WDR7: variants seen among roughly 807,000 people sequenced by gnomAD.
The protein encoded by WDR7 is WD repeat domain 7, also known as WD repeat-containing protein 7.
WDR7 carries 46 observed loss-of-function variants against 169.4 expected under a neutral mutation model. The ratio of observed to expected loss-of-function variants is 0.27; its 90% CI spans 0.21 to 0.35. The LOEUF is 0.35. Among genes scored for constraint, WDR7 ranks in the 10% least tolerant of loss-of-function variants. The pLI, the probability that WDR7 is intolerant of heterozygous loss-of-function variation, is 1.00. For missense variants in WDR7, 1,534 were observed against 1,859.3 expected, an observed-to-expected ratio of 0.83 and a Z score of 3.22; for synonymous variants, 612 against 666.8, an observed-to-expected ratio of 0.92 and a Z score of 1.27.
In WDR7 at chr18:56,956,416, AC is replaced by A. The variant is rs571655334; in HGVS notation, c.4065-6013del. 2.0e-4 allele frequency among the ~76,000 whole-genome samples: 30 copies of A among 152,110 alleles called. No homozygotes were observed. The South Asian group carries it at 5.2e-3, about 26-fold the overall frequency. ...TAGACAGTGCCTCTTCCTGAACAAA[AC>A]TGTCCCCCTTGATTGTGGCTATGGC... On this transcript the variant is annotated intron_variant, in intron 25 of 27. Coordinates refer to ENST00000254442, the MANE Select transcript of WDR7 (RefSeq NM_015285.3).
intron 21 of WDR7, among the ~76,000 whole-genome samples, chr18:56,913,066 G>C (rs2046574620): frequency 6.6e-6 from 1 of 151,754 alleles, no homozygotes; most frequent in Admixed American, 6.6e-5. Context: ...TAGAGACAGG[G>C]TCTCACTTTG....
chr18:56,772,132 A>C (rs991634878), intron 16 of WDR7, among the ~76,000 whole-genome samples: 1 of 151,846 alleles, frequency 6.6e-6, no homozygotes, highest in Non-Finnish European at 1.5e-5. Flanking sequence ...TTCTGAATGC[A>C]AACCATCAGT....
chr18:57,010,360 A>T, intron 26 of WDR7: 1 of 899,240 alleles, frequency 1.1e-6, no homozygotes, highest in Non-Finnish European at 1.3e-6. Flanking sequence ...AACCACATTT[A>T]TCTAAATTAT....
chr18:56,780,627 C>G (rs2145068181), intron 18 of WDR7, among the ~76,000 whole-genome samples: 1 of 151,700 alleles, frequency 6.6e-6, no homozygotes, highest in African/African-American at 2.4e-5. Flanking sequence ...GAAACCCTGT[C>G]TCTACTAAAA....
At chr18:56,862,968 A>G (rs1386493537) in intron 20 of WDR7, among the ~76,000 whole-genome samples, 1 of 151,890 alleles carries the variant, frequency 6.6e-6, no homozygotes, top group Non-Finnish European at 1.5e-5. Context: ...TAAAATAGTA[A>G]TCATGCTTCA....
chr18:56,938,086 C>G (rs1568276266), intron 23 of WDR7, among the ~76,000 whole-genome samples: 1 of 152,108 alleles, frequency 6.6e-6, no homozygotes, highest in Non-Finnish European at 1.5e-5. Context: ...ATTAGTCTTG[C>G]TAATCAGAGG....
intron 14 of WDR7, among the ~76,000 whole-genome samples, chr18:56,755,368 TAG>T (rs1208323647): frequency 6.6e-6 from 1 of 152,176 alleles, no homozygotes. Context: ...AATTTTTTGG[TAG>T]AGTGACATGA....
At chr18:56,817,734 T>G (rs1240552849) in intron 20 of WDR7, among the ~76,000 whole-genome samples, 1 of 151,640 alleles carries the variant, frequency 6.6e-6, no homozygotes, top group African/African-American at 2.4e-5. Flanking sequence ...AAAGAAAATC[T>G]ATTTTCTTTG....
intron 21 of WDR7, among the ~76,000 whole-genome samples, chr18:56,895,927 A>T (rs541210357): frequency 6.6e-6 from 1 of 151,844 alleles, no homozygotes; most frequent in Non-Finnish European, 1.5e-5. Context: ...TTCTAAAATG[A>T]ATATACCAGA....
intron 26 of WDR7, among the ~76,000 whole-genome samples, chr18:56,980,559 A>G (rs574989662): frequency 2.7e-5 from 4 of 147,982 alleles, no homozygotes; most frequent in Non-Finnish European, 4.4e-5. Context: ...AGGAGTTAAT[A>G]AGCAAATAAT....
intron 7 of WDR7, 114 bp from the exon 8 acceptor site, chr18:56,691,102 C>G: frequency 2.8e-6 from 4 of 1,420,516 alleles, no homozygotes; most frequent in Middle Eastern, 2.4e-4. Context: ...TCTGATGCAG[C>G]AAACTGAGTT....
intron 19 of WDR7, among the ~76,000 whole-genome samples, chr18:56,784,041 G>C (rs183319792): frequency 6.6e-6 from 1 of 152,282 alleles, no homozygotes; most frequent in East Asian, 1.9e-4. Flanking sequence ...GCTTTGCTAA[G>C]TATCTGGTCT....
intron 14 of WDR7, among the ~76,000 whole-genome samples, chr18:56,740,707 T>C (rs1209515974): frequency 6.6e-6 from 1 of 152,152 alleles, no homozygotes; most frequent in Non-Finnish European, 1.5e-5. Context: ...AACGGGGTTC[T>C]TTTGCTTGTT....
chr18:56,845,097 C>T (rs1189735113), intron 20 of WDR7, among the ~76,000 whole-genome samples: 3 of 151,950 alleles, frequency 2.0e-5, no homozygotes, highest in Non-Finnish European at 4.4e-5. Context: ...TATGGATAAC[C>T]AGGGGCTACT....
chr18:56,789,377 G>T (rs897640658), intron 19 of WDR7, among the ~76,000 whole-genome samples: 3 of 152,218 alleles, frequency 2.0e-5, no homozygotes, highest in Admixed American at 6.5e-5. Context: ...AGTTAATTCT[G>T]TATGTTAGGA....
intron 26 of WDR7, among the ~76,000 whole-genome samples, chr18:56,993,760 A>G (rs1222658494): frequency 6.6e-6 from 1 of 151,916 alleles, no homozygotes; most frequent in Non-Finnish European, 1.5e-5. Context: ...TTTATAGGAA[A>G]CCCCTTCACA....
intron 26 of WDR7, among the ~76,000 whole-genome samples, chr18:57,019,955 T>C (rs896052281): frequency 3.3e-5 from 5 of 152,250 alleles, no homozygotes; most frequent in Admixed American, 6.5e-5. Flanking sequence ...ATTAATACAA[T>C]ATTATGCTAA....
At chr18:56,747,494 G>C (rs553719301) in intron 14 of WDR7, among the ~76,000 whole-genome samples, 2 of 152,152 alleles carry the variant, frequency 1.3e-5, no homozygotes, top group Non-Finnish European at 2.9e-5. Flanking sequence ...GCTGGAGAGG[G>C]CATCAGTTAC....
chr18:56,764,886 A>C (rs1302946679), intron 16 of WDR7, among the ~76,000 whole-genome samples: 1 of 151,990 alleles, frequency 6.6e-6, no homozygotes, highest in Non-Finnish European at 1.5e-5. Flanking sequence ...TCCTTCTTGC[A>C]TTTCTATCCC....
Sources: gnomAD v4.1 joint callset for allele counts (sites outside exome capture counted in the v4.1 genomes callset) on GRCh38, gnomAD v4.1.1 for gene constraint, MANE v1.5 for transcripts, NCBI Gene and HGNC (gene_info 2026-07-23, HGNC 2026-07-21) for gene names.